Variants in PDZRN3 observed in about 807,000 individuals in gnomAD.
The protein encoded by PDZRN3 is E3 ubiquitin-protein ligase PDZRN3.
In PDZRN3, 38 loss-of-function variants were observed where a neutral mutation model predicts 85.7. That is an observed-to-expected ratio of 0.44 (90% CI 0.34 to 0.58). PDZRN3 has a LOEUF of 0.58. Ranked by LOEUF, PDZRN3 falls within the 20% of genes least tolerant of loss-of-function variation. The pLI, the probability that PDZRN3 is intolerant of heterozygous loss-of-function variation, is 0.01. For synonymous variants in PDZRN3, 759 were observed against 638.0 expected, an observed-to-expected ratio of 1.19 and a Z score of -2.86; for missense variants, 1,629 against 1,506.4, an observed-to-expected ratio of 1.08 and a Z score of -1.35.
chr3:73,458,705 G>GTTTGGGCTGGGTGC, intron 3 of PDZRN3, among the ~76,000 whole-genome samples: 1 of 151,384 alleles, frequency 6.6e-6, no homozygotes, highest in East Asian at 1.9e-4. Context: ...AAGGAAAGAG[G>GTTTGGGCTGGGTGC]TTTGGGCTGG....
intron 3 of PDZRN3, among the ~76,000 whole-genome samples, chr3:73,570,805 G>A (rs1702034800): frequency 6.6e-6 from 1 of 152,142 alleles, no homozygotes; most frequent in African/African-American, 2.4e-5. Flanking sequence ...GTGCCCAGGA[G>A]GTCCCCAGAC....
At chr3:73,622,063 GACAGCATAA>G (rs1475559137) in intron 1 of PDZRN3, among the ~76,000 whole-genome samples, 2 of 152,178 alleles carry the variant, frequency 1.3e-5, no homozygotes, top group African/African-American at 2.4e-5. Flanking sequence ...AAGTCCAGAT[GACAGCATAA>G]ACAGCAGAAA....
intron 3 of PDZRN3, among the ~76,000 whole-genome samples, chr3:73,457,766 T>C (rs991191410): frequency 1.3e-5 from 2 of 152,122 alleles, no homozygotes; most frequent in African/African-American, 4.8e-5. Context: ...TGAGTGCCCT[T>C]CTAAGAGGCC....
chr3:73,555,550 T>C (rs968000454), intron 3 of PDZRN3, among the ~76,000 whole-genome samples: 4 of 152,196 alleles, frequency 2.6e-5, no homozygotes, highest in African/African-American at 7.2e-5. Context: ...TTATGGAAAA[T>C]AAGGGTTGTC....
At chr3:73,483,061 G>C (rs1703596969) in intron 3 of PDZRN3, among the ~76,000 whole-genome samples, 2 of 152,078 alleles carry the variant, frequency 1.3e-5, no homozygotes, top group Admixed American at 6.5e-5. Context: ...TATAATCCAG[G>C]GTAGAAGATA....
intron 1 of PDZRN3, 98 bp from the exon 2 acceptor site, chr3:73,608,782 A>C (rs1187930152): frequency 7.1e-6 from 5 of 704,554 alleles, no homozygotes; most frequent in African/African-American, 1.8e-5. Context: ...CTACTCAGCT[A>C]ATCATTACAA....
chr3:73,445,466 A>AACAAC (rs1702728466), intron 3 of PDZRN3, among the ~76,000 whole-genome samples: 1 of 152,172 alleles, frequency 6.6e-6, no homozygotes, highest in African/African-American at 2.4e-5. Context: ...AACAAAACAA[A>AACAAC]ACAACACTGC....
chr3:73,431,553 A>G (rs866336289), intron 3 of PDZRN3, among the ~76,000 whole-genome samples: 9 of 152,204 alleles, frequency 5.9e-5, no homozygotes, highest in Admixed American at 6.5e-5. Context: ...CGAGAATGCA[A>G]TTATTAATTC....
intron 3 of PDZRN3, among the ~76,000 whole-genome samples, chr3:73,410,515 G>C (rs1002477526): frequency 2.0e-5 from 3 of 152,046 alleles, no homozygotes; most frequent in Non-Finnish European, 4.4e-5. Flanking sequence ...CCCTAGATTT[G>C]GTATTTTTAC....
At chr3:73,389,586 G>A (rs1349904856) in intron 7 of PDZRN3, among the ~76,000 whole-genome samples, 2 of 152,140 alleles carry the variant, frequency 1.3e-5, no homozygotes, top group Admixed American at 6.5e-5. Flanking sequence ...CCTCTTTGGA[G>A]AGAACATGCC....
At chr3:73,492,173 G>A (rs2106662596) in intron 3 of PDZRN3, among the ~76,000 whole-genome samples, 1 of 152,182 alleles carries the variant, frequency 6.6e-6, no homozygotes, top group South Asian at 2.1e-4. Context: ...AATTTCAAGG[G>A]GCCTCTGAAA....
At chr3:73,514,071 A>G (rs950622486) in intron 3 of PDZRN3, among the ~76,000 whole-genome samples, 2 of 152,224 alleles carry the variant, frequency 1.3e-5, no homozygotes, top group Admixed American at 6.5e-5. Flanking sequence ...CAAATGTAAA[A>G]TTACCCTTGG....
intron 3 of PDZRN3, among the ~76,000 whole-genome samples, chr3:73,571,031 A>C (rs1702038647): frequency 6.6e-6 from 1 of 152,224 alleles, no homozygotes; most frequent in African/African-American, 2.4e-5. Context: ...GAAGCCCTAC[A>C]TTAAAAAGCA....
intron 4 of PDZRN3, among the ~76,000 whole-genome samples, chr3:73,401,506 C>T (rs534771364): frequency 6.6e-6 from 1 of 152,232 alleles, no homozygotes; most frequent in South Asian, 2.1e-4. Context: ...TTGAATGTTA[C>T]CCACAATAAT....
intron 8 of PDZRN3, among the ~76,000 whole-genome samples, chr3:73,386,646 C>T (rs1053930946): frequency 3.9e-5 from 6 of 152,224 alleles, no homozygotes; most frequent in Non-Finnish European, 5.9e-5. Context: ...CATGCTCATT[C>T]GCTGACATAA....
chr3:73,488,148 G>T (rs893333730), intron 3 of PDZRN3, among the ~76,000 whole-genome samples: 1 of 152,106 alleles, frequency 6.6e-6, no homozygotes, highest in South Asian at 2.1e-4. Context: ...ATGAAACCCC[G>T]TTTTAAGGAA....
rs955769494 is a variant in PDZRN3 at position 73,408,994 on chromosome 3, C to A, written c.919-4599G>T. On this transcript the variant is annotated intron_variant, in intron 3 of 9. Coordinates refer to ENST00000263666, the MANE Select transcript of PDZRN3 (RefSeq NM_015009.3). ...AATATCATTAACTTGCCCAATTGAG[C>A]AGATTGCCTTTAAAACAGTTTATGC... Among the ~76,000 whole-genome samples, 6 of 152,270 alleles carry A rather than the reference C, an allele frequency of 3.9e-5. 1 individual carries two copies. The South Asian group carries it at 1.2e-3, about 32-fold the overall frequency.
chr3:73,526,118 G>C (rs937377627), intron 3 of PDZRN3, among the ~76,000 whole-genome samples: 1 of 152,164 alleles, frequency 6.6e-6, no homozygotes, highest in African/African-American at 2.4e-5. Context: ...AGTAGATGTA[G>C]GGTTAATATT....
At chr3:73,393,693 A>G (rs7644097) in intron 5 of PDZRN3, among the ~76,000 whole-genome samples, 4,734 of 152,222 alleles carry the variant, frequency 0.031, 266 homozygotes, top group African/African-American at 0.11. Context: ...GTTCCATTTG[A>G]GAGGTGTAAG....
Sources: allele counts gnomAD v4.1 joint callset (sites outside exome capture counted in the v4.1 genomes callset), GRCh38; gene constraint gnomAD v4.1.1; transcripts MANE v1.5; gene names NCBI Gene and HGNC (gene_info 2026-07-23, HGNC 2026-07-21).